Variants in ARHGAP26 observed in about 807,000 individuals in gnomAD.
ARHGAP26 encodes the protein rho GTPase-activating protein 26.
A neutral mutation model predicts 104.8 loss-of-function variants in ARHGAP26; 38 were observed. The ratio of observed to expected loss-of-function variants is 0.36; its 90% CI spans 0.28 to 0.48. The LOEUF is 0.48. ARHGAP26 is among the 20% of genes least tolerant of loss of function. The probability of loss-of-function intolerance (pLI) is 0.99; values close to 1 mark genes in which losing one functional copy is unlikely to be tolerated. For synonymous variants in ARHGAP26, 341 were observed against 340.0 expected (o/e 1.00, Z -0.03); for missense variants, 704 against 947.9 (o/e 0.74, Z 3.38).
At chr5:142,994,800 C>T (rs1257291798) in intron 11 of ARHGAP26, among the ~76,000 whole-genome samples, 1 of 152,180 alleles carries the variant, frequency 6.6e-6, no homozygotes, top group Non-Finnish European at 1.5e-5. Context: ...TCTGCTGCTG[C>T]TACCTTCTAC....
Position 143,147,290 on chromosome 5 carries a change from A to G in ARHGAP26, c.1897A>G (p.Ser633Gly). The change falls in exon 20 of 23, where the codon AGC becomes GGC. Residue 633 changes from serine (S) to glycine (G), a missense_variant. By Grantham distance (56) the Ser-to-Gly change is moderately conservative. Around this residue, in one of 6 missense-constraint regions of ARHGAP26, gnomAD observed 217 missense variants for 242.6 expected, o/e 0.89. Coordinates refer to ENST00000645722, the MANE Select transcript of ARHGAP26 (RefSeq NM_001135608.3). The stretch of plus-strand genomic sequence containing the variant: ...GGAATCTGTCTCATCAAATCCAAAC[A>G]GCATCCTTAATTCCAGCAGCAGCTT... ...SLESVSSNPN[S>G]ILNSSSSLQP... 1 of 1,614,148 alleles carries G rather than the reference A, an allele frequency of 6.2e-7. No homozygotes were observed. Among genetic ancestry groups the G allele is most frequent in the Non-Finnish European group, 8.5e-7 (1 of 1,179,984 alleles).
chr5:143,205,192 A>C (rs893544931), intron 20 of ARHGAP26, among the ~76,000 whole-genome samples: 6 of 152,066 alleles, frequency 3.9e-5, no homozygotes, highest in African/African-American at 1.2e-4. Context: ...ACTGTCTTAC[A>C]TTACTGTTGT....
rs563854557 is a variant in ARHGAP26 at position 143,213,067 on chromosome 5, C to T, written c.2100-930C>T. 8.5e-5 allele frequency among the ~76,000 whole-genome samples: 13 copies of T among 152,298 alleles called. No individual in the cohort carries two copies. The South Asian group carries it at 2.7e-3, about 32-fold the overall frequency. On this transcript the variant is annotated intron_variant, in intron 21 of 22. Transcript: ENST00000645722. Reference sequence around the variant, plus strand: ...GGCTGAGGCAGGAGAATGGCGTGAACCCAGGAGGCGGAGCTTGCAGTGAGC... The same window carrying T: ...GGCTGAGGCAGGAGAATGGCGTGAATCCAGGAGGCGGAGCTTGCAGTGAGC...
At chr5:143,056,196 A>T in intron 16 of ARHGAP26, 110 bp downstream of exon 16, 1 of 867,462 alleles carries the variant, frequency 1.2e-6, no homozygotes, top group South Asian at 1.5e-5. Flanking sequence ...TTCTGCACAT[A>T]AACTGGCCAC....
At chr5:143,210,729 C>T (rs373669668) in intron 21 of ARHGAP26, among the ~76,000 whole-genome samples, 4 of 152,166 alleles carry the variant, frequency 2.6e-5, no homozygotes, top group Admixed American at 6.5e-5. Context: ...CATATGATGG[C>T]GAATGGGTCA....
intron 4 of ARHGAP26, among the ~76,000 whole-genome samples, chr5:142,882,265 G>A (rs375664767): frequency 1.3e-5 from 2 of 152,170 alleles, no homozygotes; most frequent in African/African-American, 2.4e-5. Flanking sequence ...AACTTGCCTC[G>A]TAGAGTTATT....
At chr5:142,957,219 A>T (rs979881303) in intron 11 of ARHGAP26, among the ~76,000 whole-genome samples, 5 of 152,196 alleles carry the variant, frequency 3.3e-5, no homozygotes, top group Admixed American at 1.3e-4. Flanking sequence ...AAGAATGATA[A>T]TCTTTTTGAT....
chr5:142,907,501 A>G (rs1761258540), intron 8 of ARHGAP26: 3 of 286,810 alleles, frequency 1.0e-5, no homozygotes, highest in African/African-American at 2.2e-5. Flanking sequence ...CCTGGGGGAA[A>G]TCCCGGGGTT....
At chr5:143,062,363 A>T (rs1786839578) in intron 17 of ARHGAP26, among the ~76,000 whole-genome samples, 1 of 152,098 alleles carries the variant, frequency 6.6e-6, no homozygotes, top group Non-Finnish European at 1.5e-5. Context: ...ATCATCTGTT[A>T]TATGTTGTGA....
chr5:142,848,588 A>C (rs532838586), intron 1 of ARHGAP26, among the ~76,000 whole-genome samples: 1 of 152,142 alleles, frequency 6.6e-6, no homozygotes, highest in Non-Finnish European at 1.5e-5. Flanking sequence ...TGTGAACATC[A>C]TAGTTGTGTA....
At chr5:143,082,559 A>AGGT (rs1789980103) in intron 17 of ARHGAP26, among the ~76,000 whole-genome samples, 1 of 152,242 alleles carries the variant, frequency 6.6e-6, no homozygotes, top group South Asian at 2.1e-4. Flanking sequence ...TTTACAGAGG[A>AGGT]GAACACTGAG....
At chr5:143,151,886 G>T (rs1329851774) in intron 20 of ARHGAP26, among the ~76,000 whole-genome samples, 2 of 152,152 alleles carry the variant, frequency 1.3e-5, no homozygotes, top group African/African-American at 2.4e-5. Context: ...AACCTGGGAG[G>T]CAGAGGTTGC....
intron 11 of ARHGAP26, among the ~76,000 whole-genome samples, chr5:142,955,812 G>GTGCATCTCATGCTGTCTCCA (rs990267300): frequency 2.0e-5 from 3 of 152,188 alleles, no homozygotes; most frequent in Admixed American, 6.5e-5. Flanking sequence ...TTTGGCCAGG[G>GTGCATCTCATGCTGTCTCCA]TGCATCTCAT....
At chr5:142,933,745 T>A (rs937308575) in intron 11 of ARHGAP26, among the ~76,000 whole-genome samples, 4 of 152,138 alleles carry the variant, frequency 2.6e-5, no homozygotes, top group African/African-American at 7.2e-5. Context: ...AGGCTGTACA[T>A]AGGCAGTCAT....
chr5:142,863,921 G>T (rs961893730), intron 1 of ARHGAP26, among the ~76,000 whole-genome samples: 1 of 152,090 alleles, frequency 6.6e-6, no homozygotes, highest in African/African-American at 2.4e-5. Flanking sequence ...TCCTATCTGC[G>T]CACCTGCTTG....
At chr5:143,065,962 A>T (rs1476033951) in intron 17 of ARHGAP26, among the ~76,000 whole-genome samples, 1 of 152,210 alleles carries the variant, frequency 6.6e-6, no homozygotes, top group Non-Finnish European at 1.5e-5. Flanking sequence ...GGTGGGGTCT[A>T]GCTTCTCTTC....
rs368790228 is a variant in ARHGAP26, at chr5:143,178,160, C to T, written c.1989-29038C>T. On this transcript the variant is annotated intron_variant, in intron 20 of 22. Transcript: ENST00000645722. ...GATTATAGGTGCATGCCACCATGCC[C>T]GGCTAATTTTTGTATTTTCAGTAGA... Among the ~76,000 whole-genome samples, 15 of 151,802 alleles carry T rather than the reference C, an allele frequency of 9.9e-5. No homozygotes were observed. The South Asian group carries it at 2.1e-3, about 21-fold the overall frequency.
chr5:142,811,422 G>T (rs981561715), intron 1 of ARHGAP26, among the ~76,000 whole-genome samples: 2 of 152,210 alleles, frequency 1.3e-5, no homozygotes, highest in African/African-American at 2.4e-5. Flanking sequence ...TAGAGTAGAA[G>T]CTGAGAGTGT....
At chr5:143,169,072 G>T (rs1562543793) in intron 20 of ARHGAP26, 1 of 152,208 alleles carries the variant, frequency 6.6e-6, no homozygotes, top group Non-Finnish European at 1.5e-5. Context: ...TGGGGCCTTT[G>T]CTTTTGCAAT....
Sources: gnomAD v4.1 joint callset for allele counts (sites outside exome capture counted in the v4.1 genomes callset) on GRCh38, gnomAD v4.1.1 for gene constraint, gnomAD v4.1.1 regional missense constraint, MANE v1.5 for transcripts, NCBI Gene and HGNC (gene_info 2026-07-23, HGNC 2026-07-21) for gene names.